COL4A5: variants seen among roughly 807,000 people sequenced by gnomAD.
The protein encoded by COL4A5 is collagen alpha-5(IV) chain.
In COL4A5, 26 loss-of-function variants were observed where a neutral mutation model predicts 130.2. That is an observed-to-expected ratio of 0.20 (90% CI 0.15 to 0.28). The LOEUF (loss-of-function observed/expected upper bound fraction) is 0.28. Ranked by LOEUF, COL4A5 falls within the 10% of genes least tolerant of loss-of-function variation. The pLI is 1.00. For missense variants in COL4A5, 1,131 were observed against 1,344.3 expected, an observed-to-expected ratio of 0.84 and a Z score of 2.48; for synonymous variants, 496 against 439.6, an observed-to-expected ratio of 1.13 and a Z score of -1.60.
intron 30 of COL4A5, among the ~76,000 whole-genome samples, chrX:108,617,942 A>G (rs1172686402): frequency 8.9e-6 from 1 of 112,195 alleles, no homozygotes; most frequent in African/African-American, 3.2e-5. Context: ...GATGAAGGAG[A>G]AAATAGTTTT....
chrX:108,648,607 A>G (rs143606513), intron 36 of COL4A5, among the ~76,000 whole-genome samples: 24 of 112,148 alleles, frequency 2.1e-4, no homozygotes, highest in African/African-American at 6.8e-4. Flanking sequence ...CAAATGTGAT[A>G]CACCACATAA....
intron 31 of COL4A5, among the ~76,000 whole-genome samples, chrX:108,621,441 A>G (rs1261588657): frequency 1.8e-5 from 2 of 110,833 alleles, no homozygotes; most frequent in African/African-American, 6.6e-5. Context: ...CTAGGATTAT[A>G]GGCATGAGCC....
intron 1 of COL4A5, among the ~76,000 whole-genome samples, chrX:108,470,855 C>A (rs1486124746): frequency 8.9e-6 from 1 of 111,770 alleles, no homozygotes; most frequent in Non-Finnish European, 1.9e-5. Flanking sequence ...TTTCATTTTT[C>A]TTCATATGGC....
intron 3 of COL4A5, among the ~76,000 whole-genome samples, chrX:108,563,018 C>T (rs189342106): frequency 9.0e-6 from 1 of 110,876 alleles, no homozygotes; most frequent in East Asian, 2.8e-4. Flanking sequence ...TTGTAGACAT[C>T]CTATTATCAA....
intron 1 of COL4A5, among the ~76,000 whole-genome samples, chrX:108,498,567 A>G (rs985605674): frequency 1.8e-5 from 2 of 111,537 alleles, no homozygotes; most frequent in African/African-American, 6.5e-5. Flanking sequence ...TAGTGAATCT[A>G]TGGGCAAATT....
chrX:108,609,938 G>C (rs1177712507), intron 29 of COL4A5, among the ~76,000 whole-genome samples: 1 of 107,786 alleles, frequency 9.3e-6, no homozygotes, highest in Non-Finnish European at 1.9e-5. Context: ...AAGACTCGAA[G>C]TCAGGTAATG....
At position 108,454,861 on chromosome X, in the gene COL4A5, C is replaced by T. The variant is rs1260308607; in HGVS notation, c.81+14655C>T. ...CTCCTGGACTCAAGGGATCCTCCAA[C>T]CTCAGCCTCCCAAAGTGCTGAGATT... On this transcript the variant is annotated intron_variant, in intron 1 of 52. Coordinates refer to ENST00000328300, the MANE Select transcript of COL4A5 (RefSeq NM_033380.3). Among the ~76,000 whole-genome samples the T allele has an allele frequency of 2.7e-5, 3 of 111,533 alleles. No individual in the cohort carries two copies. The East Asian group carries it at 8.5e-4, about 31-fold the overall frequency.
chrX:108,501,748 TG>T (rs1252415831), intron 1 of COL4A5, among the ~76,000 whole-genome samples: 1 of 112,269 alleles, frequency 8.9e-6, no homozygotes, highest in African/African-American at 3.2e-5. Context: ...ATATAATTTG[TG>T]GGGAACATTT....
intron 1 of COL4A5, among the ~76,000 whole-genome samples, chrX:108,464,015 C>G (rs1344197771): frequency 8.9e-6 from 1 of 111,969 alleles, no homozygotes; most frequent in Non-Finnish European, 1.9e-5. Flanking sequence ...GGATGTCAGA[C>G]TCGACTTGTA....
chrX:108,472,395 A>G (rs2064781871), intron 1 of COL4A5, among the ~76,000 whole-genome samples: 1 of 111,876 alleles, frequency 8.9e-6, no homozygotes, highest in South Asian at 3.7e-4. Flanking sequence ...TTCTGTGTAG[A>G]TGTTCAATCC....
intron 36 of COL4A5, among the ~76,000 whole-genome samples, chrX:108,628,253 A>G (rs1182090518): frequency 1.8e-5 from 2 of 111,295 alleles, no homozygotes; most frequent in Non-Finnish European, 3.8e-5. Flanking sequence ...TTACATACAT[A>G]TCTTAAGAAT....
chrX:108,671,483 G>A (rs773694169), intron 42 of COL4A5, among the ~76,000 whole-genome samples: 101 of 112,156 alleles, frequency 9.0e-4, no homozygotes, highest in African/African-American at 3.1e-3. Flanking sequence ...AGGGACCTAA[G>A]TTTTACCTAT....
intron 1 of COL4A5, among the ~76,000 whole-genome samples, chrX:108,444,971 G>C (rs748299673): frequency 1.8e-5 from 2 of 111,266 alleles, no homozygotes; most frequent in African/African-American, 6.5e-5. Flanking sequence ...AGTAATCTTT[G>C]AGACTTAATT....
intron 49 of COL4A5, among the ~76,000 whole-genome samples, chrX:108,691,679 A>G (rs1013886830): frequency 6.3e-5 from 7 of 111,743 alleles, no homozygotes; most frequent in African/African-American, 2.3e-4. Context: ...AAAATATGTT[A>G]CATTAGGAAA....
At chrX:108,545,570 A>T (rs1481881083) in intron 2 of COL4A5, among the ~76,000 whole-genome samples, 1 of 111,789 alleles carries the variant, frequency 8.9e-6, no homozygotes, top group Non-Finnish European at 1.9e-5. Context: ...GGTGCTGAGA[A>T]GAATGTATAT....
chrX:108,636,066 A>G (rs2067347629), intron 36 of COL4A5, among the ~76,000 whole-genome samples: 1 of 111,921 alleles, frequency 8.9e-6, no homozygotes. Context: ...CCAAACATCA[A>G]CATCACATAA....
chrX:108,637,390 TAGAAAA>T (rs1208534433), intron 36 of COL4A5, among the ~76,000 whole-genome samples: 1 of 110,602 alleles, frequency 9.0e-6, no homozygotes, highest in Non-Finnish European at 1.9e-5. Flanking sequence ...CTTAAAGAAC[TAGAAAA>T]AGAAAAACTA....
chrX:108,673,737 T>A (rs935534073), intron 42 of COL4A5, among the ~76,000 whole-genome samples: 8 of 106,091 alleles, frequency 7.5e-5, no homozygotes, highest in African/African-American at 2.4e-4. Context: ...AATAATAATA[T>A]AATAATAATA....
intron 1 of COL4A5, among the ~76,000 whole-genome samples, chrX:108,483,809 A>T (rs766213894): frequency 2.7e-5 from 3 of 112,336 alleles, no homozygotes; most frequent in Non-Finnish European, 5.6e-5. Flanking sequence ...GATAAAAGCC[A>T]TTAACTGGGG....
Sources: allele counts gnomAD v4.1 joint callset (sites outside exome capture counted in the v4.1 genomes callset), GRCh38; gene constraint gnomAD v4.1.1; transcripts MANE v1.5; gene names NCBI Gene and HGNC (gene_info 2026-07-23, HGNC 2026-07-21).